The following GRIK2 variants were observed in gnomAD, a reference collection of about 807,000 sequenced individuals.
GRIK2 encodes the protein glutamate ionotropic receptor kainate type subunit 2, also known as glutamate receptor ionotropic, kainate 2.
Under a neutral mutation model 100.3 loss-of-function variants are expected in GRIK2, and 32 were observed. That is an observed-to-expected ratio of 0.32 (90% CI 0.24 to 0.43). The LOEUF is 0.43. GRIK2 is among the 20% of genes least tolerant of loss of function. The pLI, the probability that GRIK2 is intolerant of heterozygous loss-of-function variation, is 1.00. For missense variants in GRIK2, 843 were observed against 1,114.9 expected, an observed-to-expected ratio of 0.76 and a Z score of 3.47; for synonymous variants, 417 against 389.4, an observed-to-expected ratio of 1.07 and a Z score of -0.83.
At chr6:101,592,552 G>A (rs750142466) in intron 2 of GRIK2, among the ~76,000 whole-genome samples, 3 of 141,994 alleles carry the variant, frequency 2.1e-5, no homozygotes. Context: ...TGTTGAAAGC[G>A]ATTCTGGAAG....
intron 4 of GRIK2, among the ~76,000 whole-genome samples, chr6:101,655,858 ATATCAG>A (rs1782033631): frequency 6.6e-6 from 1 of 152,158 alleles, no homozygotes; most frequent in Non-Finnish European, 1.5e-5. Context: ...CCACTGCTTA[ATATCAG>A]TTATGAGAGA....
intron 4 of GRIK2, among the ~76,000 whole-genome samples, chr6:101,669,858 T>A (rs1271063926): frequency 2.6e-5 from 4 of 151,960 alleles, no homozygotes; most frequent in Non-Finnish European, 5.9e-5. Context: ...GAGACTTGTA[T>A]CTAAATGTCA....
chr6:101,561,588 C>A (rs2128295752), intron 2 of GRIK2, among the ~76,000 whole-genome samples: 1 of 151,892 alleles, frequency 6.6e-6, no homozygotes, highest in South Asian at 2.1e-4. Context: ...ATTGTGTATG[C>A]ATATCAAAAT....
chr6:101,478,506 G>GTTTT (rs5878666), intron 2 of GRIK2, among the ~76,000 whole-genome samples: 4 of 119,554 alleles, frequency 3.3e-5, no homozygotes, highest in Admixed American at 1.8e-4. Flanking sequence ...TTCTGTTTTG[G>GTTTT]TTTTTTTTTT....
chr6:101,574,580 A>C (rs1359894103), intron 2 of GRIK2, among the ~76,000 whole-genome samples: 2 of 151,406 alleles, frequency 1.3e-5, no homozygotes, highest in African/African-American at 2.4e-5. Context: ...CCCAGTTTGC[A>C]CTTTAAGTTA....
intron 10 of GRIK2, among the ~76,000 whole-genome samples, chr6:101,825,584 A>G (rs1162352502): frequency 6.6e-6 from 1 of 151,008 alleles, no homozygotes; most frequent in Non-Finnish European, 1.5e-5. Context: ...GACTTAAATT[A>G]ACTACCATGA....
chr6:101,707,608 A>G (rs11757119), intron 7 of GRIK2, among the ~76,000 whole-genome samples: 10,138 of 134,184 alleles, frequency 0.076, 518 homozygotes, highest in Non-Finnish European at 0.11. Flanking sequence ...ATATGTGTGT[A>G]TATATATATA....
intron 2 of GRIK2, among the ~76,000 whole-genome samples, chr6:101,535,494 T>C (rs537222154): frequency 6.6e-6 from 1 of 151,922 alleles, no homozygotes; most frequent in Non-Finnish European, 1.5e-5. Flanking sequence ...TTGGCTTTGT[T>C]TGGGAAATCG....
chr6:101,781,574 C>A (rs955669181), intron 7 of GRIK2, among the ~76,000 whole-genome samples: 1 of 152,012 alleles, frequency 6.6e-6, no homozygotes, highest in Non-Finnish European at 1.5e-5. Flanking sequence ...TACACACATA[C>A]CCCTCTGGTA....
At chr6:101,752,262 C>A (rs533653661) in intron 7 of GRIK2, among the ~76,000 whole-genome samples, 1 of 152,202 alleles carries the variant, frequency 6.6e-6, no homozygotes, top group South Asian at 2.1e-4. Context: ...CCTCAACGAG[C>A]CTCAAAATAA....
intron 1 of GRIK2, among the ~76,000 whole-genome samples, chr6:101,395,648 T>G (rs1206613981): frequency 6.6e-6 from 1 of 152,200 alleles, no homozygotes; most frequent in Non-Finnish European, 1.5e-5. Context: ...TATCTGCAAA[T>G]ATAAAAATAT....
chr6:101,618,371 G>C (rs1033373831), intron 2 of GRIK2, among the ~76,000 whole-genome samples: 4 of 151,218 alleles, frequency 2.6e-5, no homozygotes, highest in Admixed American at 2.6e-4. Context: ...TATTTGTTTA[G>C]TCTTTGTCCT....
intron 7 of GRIK2, among the ~76,000 whole-genome samples, chr6:101,750,289 T>C (rs1232730340): frequency 6.6e-6 from 1 of 152,160 alleles, no homozygotes; most frequent in Non-Finnish European, 1.5e-5. Flanking sequence ...GATTTGAACA[T>C]AAGTTTCTTA....
At chr6:102,035,789 A>G (rs1352847895) in intron 15 of GRIK2, among the ~76,000 whole-genome samples, 1 of 151,444 alleles carries the variant, frequency 6.6e-6, no homozygotes, top group Non-Finnish European at 1.5e-5. Flanking sequence ...TGGTCAGTAG[A>G]TATTTTTACT....
chr6:101,773,059 T>C (rs1001537677), intron 7 of GRIK2, among the ~76,000 whole-genome samples: 1 of 152,142 alleles, frequency 6.6e-6, no homozygotes, highest in African/African-American at 2.4e-5. Flanking sequence ...AGAAAGTGTA[T>C]GTTCATATGG....
chr6:101,644,621 G>A (rs1208144386), intron 4 of GRIK2, among the ~76,000 whole-genome samples: 1 of 151,780 alleles, frequency 6.6e-6, no homozygotes, highest in Non-Finnish European at 1.5e-5. Context: ...CTTGATTTAG[G>A]CCTCATAATG....
rs539021520 is a variant in GRIK2, at chr6:101,776,500, C to A, written c.952-23148C>A. On this transcript the variant is annotated intron_variant, in intron 7 of 16. Coordinates refer to ENST00000369134, the MANE Select transcript of GRIK2 (RefSeq NM_021956.5). ...GATTTTCTAGTAATATGAATGTTAG[C>A]CACAGGATGCCTTAAAATCCACCTG... 4.0e-3 allele frequency among the ~76,000 whole-genome samples: 605 copies of A among 152,112 alleles called. 3 individuals are homozygous for A. Among genetic ancestry groups the A allele is most frequent in the Non-Finnish European group, 6.8e-3 (461 of 67,982 alleles).
chr6:101,739,423 A>T (rs780394494), intron 7 of GRIK2, among the ~76,000 whole-genome samples: 4 of 152,148 alleles, frequency 2.6e-5, no homozygotes, highest in Non-Finnish European at 5.9e-5. Context: ...ATGCTGTGAC[A>T]CTGTGATAAA....
At chr6:101,643,275 T>G (rs1232369332) in intron 4 of GRIK2, among the ~76,000 whole-genome samples, 3 of 151,714 alleles carry the variant, frequency 2.0e-5, no homozygotes, top group Non-Finnish European at 4.4e-5. Context: ...TGCTGTCATA[T>G]TCAATAAATC....
Sources: allele counts gnomAD v4.1 joint callset (sites outside exome capture counted in the v4.1 genomes callset), GRCh38; gene constraint gnomAD v4.1.1; transcripts MANE v1.5; gene names NCBI Gene and HGNC (gene_info 2026-07-23, HGNC 2026-07-21).